RDX: variants seen among roughly 807,000 people sequenced by gnomAD.
RDX encodes radixin.
In RDX, 32 loss-of-function variants were observed where a neutral mutation model predicts 83.7. The ratio of observed to expected loss-of-function variants is 0.38; its 90% CI spans 0.29 to 0.51. The LOEUF (loss-of-function observed/expected upper bound fraction) is 0.51. Ranked by LOEUF, RDX falls within the 20% of genes least tolerant of loss-of-function variation. The pLI is 0.87. For missense variants in RDX, 600 were observed against 689.9 expected (o/e 0.87, Z 1.46); for synonymous variants, 229 against 222.7 (o/e 1.03, Z -0.25).
Position 110,258,214 on chromosome 11 carries a change from A to ATT in RDX, c.468-26_468-25insAA. On this transcript the variant is annotated intron_variant, in intron 5 of 13. Transcript: ENST00000645495. ...ACTAAGAGGACCAAAAAAAAAAAAA[A>ATT]ATTATAATGACTTTAAGATTCAAAA... is the stretch of plus-strand genomic sequence containing the variant. 2.1e-6 allele frequency: 3 copies of ATT among 1,425,404 alleles called. No homozygotes were observed. In the South Asian group the frequency reaches 3.7e-5, roughly 18 times the overall value. 88.3% of individuals were successfully genotyped at this position (1,425,404 alleles called of 1,614,324 possible). A position where few individuals can be genotyped will look rare whatever the true frequency, so the allele number is the denominator to read the frequency against.
chr11:110,257,122 A>AT (rs1859576653), intron 7 of RDX, among the ~76,000 whole-genome samples: 1 of 151,162 alleles, frequency 6.6e-6, no homozygotes, highest in Admixed American at 6.6e-5. Flanking sequence ...TATAGTATTT[A>AT]CCCATGTATT....
intron 7 of RDX, among the ~76,000 whole-genome samples, chr11:110,255,643 A>G (rs1859512839): frequency 6.6e-6 from 1 of 152,208 alleles, no homozygotes; most frequent in Admixed American, 6.5e-5. Flanking sequence ...ATCTAAAAAA[A>G]CTACCTGGTG....
At chr11:110,240,472 G>A (rs553405787) in intron 10 of RDX, among the ~76,000 whole-genome samples, 97 of 152,244 alleles carry the variant, frequency 6.4e-4, no homozygotes, top group Middle Eastern at 3.4e-3. Flanking sequence ...GGCCGGGCGC[G>A]GTGGCTCACG....
At chr11:110,278,399 G>A (rs527504164) in intron 2 of RDX, among the ~76,000 whole-genome samples, 1 of 152,118 alleles carries the variant, frequency 6.6e-6, no homozygotes, top group South Asian at 2.1e-4. Flanking sequence ...ATCTTATAAA[G>A]ATCTCTATAC....
intron 9 of RDX, among the ~76,000 whole-genome samples, chr11:110,253,699 T>A (rs909556076): frequency 1.3e-5 from 2 of 152,144 alleles, no homozygotes; most frequent in Non-Finnish European, 2.9e-5. Flanking sequence ...TAAAACAATG[T>A]CTATCAGTGA....
chr11:110,281,244 A>C (rs1173813047), intron 1 of RDX, among the ~76,000 whole-genome samples: 3 of 152,208 alleles, frequency 2.0e-5, no homozygotes, highest in African/African-American at 7.2e-5. Flanking sequence ...AATTTAGGTA[A>C]GGCCATTTCC....
Position 110,264,121 on chromosome 11 carries a change from G to A in RDX, c.306C>T (p.Phe102=), listed in dbSNP as rs751529840. The stretch of plus-strand genomic sequence containing the variant: ...AGATGGCTTCTTTAACTTGCAAGAA[G>A]AAGAGTCTCTGGGTTATTTCTTGAA... ...ELIQEITQRL[F]FLQVKEAILN... is the part of the protein sequence containing the mutation. The change falls in exon 5 of 14, where the codon TTC becomes TTT. Residue 102 remains phenylalanine (F), a synonymous_variant. Transcript: ENST00000645495. 6.2e-7 allele frequency: 1 copy of A among 1,613,896 alleles called. No homozygotes were observed. The highest frequency in any genetic ancestry group is 8.5e-7 in the Non-Finnish European group (1 of 1,179,834).
intron 3 of RDX, 59 bp downstream of exon 3, chr11:110,272,477 G>A (rs372067047): frequency 1.3e-5 from 14 of 1,074,126 alleles, no homozygotes; most frequent in Middle Eastern, 2.3e-4. Flanking sequence ...AGAGAAAGAG[G>A]TATGCAACAA....
intron 1 of RDX, among the ~76,000 whole-genome samples, chr11:110,292,026 T>C (rs1349220207): frequency 6.6e-6 from 1 of 151,770 alleles, no homozygotes; most frequent in Non-Finnish European, 1.5e-5. Context: ...GGCACAGTGG[T>C]TCACACCTGT....
chr11:110,232,798 A>G (rs1279405631), intron 13 of RDX, among the ~76,000 whole-genome samples: 1 of 152,108 alleles, frequency 6.6e-6, no homozygotes, highest in Non-Finnish European at 1.5e-5. Context: ...TATTTTTGGT[A>G]GAGGCAGAGT....
downstream of RDX, among the ~76,000 whole-genome samples, chr11:110,226,298 A>G (rs1482798738): frequency 6.6e-6 from 1 of 152,204 alleles, no homozygotes; most frequent in African/African-American, 2.4e-5. Context: ...GCTTAGCCTT[A>G]AAAAGGAATA....
chr11:110,295,252 C>T (rs919129195), intron 1 of RDX, among the ~76,000 whole-genome samples: 8 of 143,598 alleles, frequency 5.6e-5, no homozygotes, highest in African/African-American at 1.8e-4. Flanking sequence ...GCAACATGAA[C>T]GGGGTAATTG....
chr11:110,256,344 C>G (rs1275562812), intron 7 of RDX, among the ~76,000 whole-genome samples: 1 of 151,928 alleles, frequency 6.6e-6, no homozygotes, highest in East Asian at 1.9e-4. Context: ...ATTAGAGGAC[C>G]CTCTAATGGC....
In RDX at chr11:110,230,484, A is replaced by G. The variant is rs1413662181; in HGVS notation, c.*1385T>C. ...ACAAAATAAGCACAGTGATCTAGAA[A>G]CCAAATATACTGATTATGTAACTAT... is the stretch of plus-strand genomic sequence containing the variant. On this transcript the variant is annotated 3_prime_UTR_variant, in exon 14 of 14. Transcript: ENST00000645495. 6.6e-6 allele frequency: 1 copy of G among 152,138 alleles called. No individual in the cohort carries two copies. The highest frequency in any genetic ancestry group is 1.5e-5 in the Non-Finnish European group (1 of 67,990). 9.4% of individuals were successfully genotyped at this position (152,138 alleles called of 1,614,324 possible). A position where few individuals can be genotyped will look rare whatever the true frequency, so the allele number is the denominator to read the frequency against.
chr11:110,229,805 A>G lies in RDX; in HGVS notation c.*2064T>C, dbSNP rs1047043222. 2.6e-5 allele frequency: 4 copies of G among 152,550 alleles called. No individual in the cohort carries two copies. Among genetic ancestry groups the G allele is most frequent in the Admixed American group, 2.6e-4 (4 of 15,260 alleles). 9.4% of individuals were successfully genotyped at this position (152,550 alleles called of 1,614,324 possible). A position where few individuals can be genotyped will look rare whatever the true frequency, so the allele number is the denominator to read the frequency against. On this transcript the variant is annotated 3_prime_UTR_variant, in exon 14 of 14. Transcript: ENST00000645495. ...TGTATCAAACTGATGTAGCTATGGTAGTGCACATAATTCAAAATGAGGAAA... is the reference window on the plus strand; with the variant it reads ...TGTATCAAACTGATGTAGCTATGGTGGTGCACATAATTCAAAATGAGGAAA...
chr11:110,272,984 T>C lies in RDX; in HGVS notation c.13-365A>G, dbSNP rs555897116. ...CCTCACATCTTTAGTCCCAGCACTTTGGAAGGCCAAGGTGGGAGGATCTCT... is the reference window on the plus strand; with the variant it reads ...CCTCACATCTTTAGTCCCAGCACTTCGGAAGGCCAAGGTGGGAGGATCTCT... On this transcript the variant is annotated intron_variant, in intron 2 of 13. Transcript: ENST00000645495. 6.6e-6 allele frequency: 3 copies of C among 457,268 alleles called. No homozygotes were observed. In the East Asian group the frequency reaches 2.1e-4, roughly 32 times the overall value. 28.3% of individuals were successfully genotyped at this position (457,268 alleles called of 1,614,324 possible).
At chr11:110,251,050 T>G (rs991513596) in intron 9 of RDX, among the ~76,000 whole-genome samples, 3 of 152,184 alleles carry the variant, frequency 2.0e-5, no homozygotes, top group African/African-American at 4.8e-5. Flanking sequence ...TATGTTGGCT[T>G]CTTCTTCTGA....
chr11:110,261,803 A>G (rs1859816504), intron 5 of RDX, among the ~76,000 whole-genome samples: 1 of 152,216 alleles, frequency 6.6e-6, no homozygotes, highest in Admixed American at 6.5e-5. Flanking sequence ...GCATTTAGCC[A>G]CCTTCCTTCT....
At position 110,231,921 on chromosome 11, in the gene RDX, T is replaced by C. The variant is rs1369269011; in HGVS notation, c.1700A>G (p.Gln567Arg). ...CTGCTTTGTATTGCCTTGTCGAATCTGTCGCAGAGTCTTGTACTTATCACG... is the reference window on the plus strand; with the variant it reads ...CTGCTTTGTATTGCCTTGTCGAATCCGTCGCAGAGTCTTGTACTTATCACG... The part of the protein sequence containing the change: ...AGRDKYKTLR[Q>R]IRQGNTKQRI... The change falls in exon 14 of 14, where the codon CAG (glutamine) becomes CGG (arginine). Residue 567 changes from glutamine (Q) to arginine (R), a missense_variant. By Grantham distance (43) the Gln-to-Arg change is conservative. Coordinates refer to ENST00000645495, the MANE Select transcript of RDX (RefSeq NM_002906.4). 6.2e-7 allele frequency: 1 copy of C among 1,613,698 alleles called. No homozygotes were observed. The highest frequency in any genetic ancestry group is 1.1e-5 in the South Asian group (1 of 91,052).
Sources: gnomAD v4.1 joint callset for allele counts (sites outside exome capture counted in the v4.1 genomes callset) on GRCh38, gnomAD v4.1.1 for gene constraint, MANE v1.5 for transcripts, NCBI Gene and HGNC (gene_info 2026-07-23, HGNC 2026-07-21) for gene names.